Variants in PEMT observed in about 807,000 individuals in gnomAD.
PEMT encodes the protein phospholipid methyltransferase.
A neutral mutation model predicts 27.4 loss-of-function variants in PEMT; 23 were observed. That is an observed-to-expected ratio of 0.84 (90% confidence interval 0.60 to 1.19). The LOEUF is 1.19. Among genes scored for constraint, PEMT ranks in the 50% most tolerant of loss-of-function variants. The probability of loss-of-function intolerance (pLI) is 0.00; values close to 1 mark genes in which losing one functional copy is unlikely to be tolerated. For missense variants in PEMT, 307 were observed against 310.1 expected, an observed-to-expected ratio of 0.99 and a Z score of 0.07; for synonymous variants, 137 against 139.1, an observed-to-expected ratio of 0.98 and a Z score of 0.11.
At chr17:17,572,736 G>A (rs548145993) in intron 2 of PEMT, among the ~76,000 whole-genome samples, 39 of 152,382 alleles carry the variant, frequency 2.6e-4, no homozygotes, top group African/African-American at 8.9e-4. Context: ...AACATTTGAA[G>A]AATGTATGAA....
chr17:17,589,728 C>T (rs772456034), intron 1 of PEMT, among the ~76,000 whole-genome samples: 4 of 152,166 alleles, frequency 2.6e-5, no homozygotes, highest in Non-Finnish European at 5.9e-5. Context: ...AGTAGAGCTA[C>T]CACATAAGCA....
At chr17:17,586,641 A>C (rs1912331254) in intron 1 of PEMT, among the ~76,000 whole-genome samples, 1 of 152,228 alleles carries the variant, frequency 6.6e-6, no homozygotes, top group Admixed American at 6.5e-5. Context: ...GATGCGGCTA[A>C]GGCAGGGCTT....
chr17:17,550,710 C>G (rs1196810834), intron 2 of PEMT, among the ~76,000 whole-genome samples: 3 of 152,220 alleles, frequency 2.0e-5, no homozygotes, highest in African/African-American at 7.2e-5. Flanking sequence ...TGGCTAGAGC[C>G]TCTCCCAGGG....
chr17:17,558,682 G>GA (rs141641212), intron 2 of PEMT, among the ~76,000 whole-genome samples: 16,907 of 95,222 alleles, frequency 0.18, 2,649 homozygotes, highest in African/African-American at 0.43. Flanking sequence ...CCAGTCTCAC[G>GA]AAAAAAAAAA....
chr17:17,507,595 G>C (rs185914232), intron 5 of PEMT: 2 of 215,270 alleles, frequency 9.3e-6, no homozygotes, highest in East Asian at 2.1e-4. Context: ...AGGAGTCCCT[G>C]ATTGCACAAC....
rs965339985 is a variant in PEMT, at chr17:17,513,124, C to G, written c.321-470G>C. On this transcript the variant is annotated intron_variant, in intron 3 of 6. Transcript: ENST00000255389. The surrounding 1 kb of genome is among the most constrained non-coding windows in gnomAD (Gnocchi z 4.1). Reference sequence around the variant, plus strand: ...CCATTCCCCAACAGACTCAGTGCCCCGAGGCCTGGGGCATGCTCTGTGCTA... The same window carrying G: ...CCATTCCCCAACAGACTCAGTGCCCGGAGGCCTGGGGCATGCTCTGTGCTA... Among the ~76,000 whole-genome samples, 2 of 152,192 alleles carry G rather than the reference C, an allele frequency of 1.3e-5. No homozygotes were observed. The highest frequency in any genetic ancestry group is 2.4e-5 in the African/African-American group (1 of 41,434).
At chr17:17,560,557 CCA>C in intron 2 of PEMT, among the ~76,000 whole-genome samples, 1 of 152,334 alleles carries the variant, frequency 6.6e-6, no homozygotes, top group Admixed American at 6.5e-5. Flanking sequence ...GCTGTCTTCA[CCA>C]CACCGGCCCC....
intron 2 of PEMT, among the ~76,000 whole-genome samples, chr17:17,549,401 A>C (rs1909491267): frequency 6.6e-6 from 1 of 151,890 alleles, no homozygotes; most frequent in Non-Finnish European, 1.5e-5. Context: ...TATTGGCCAG[A>C]CTGGTCTCAA....
intron 2 of PEMT, among the ~76,000 whole-genome samples, chr17:17,575,105 C>T (rs891227864): frequency 6.6e-6 from 1 of 152,200 alleles, no homozygotes; most frequent in Non-Finnish European, 1.5e-5. Flanking sequence ...ATCAAGGTGC[C>T]GACTGGGCTG....
At chr17:17,555,083 C>T (rs1433968547) in intron 2 of PEMT, among the ~76,000 whole-genome samples, 1 of 152,148 alleles carries the variant, frequency 6.6e-6, no homozygotes, top group African/African-American at 2.4e-5. Context: ...GAGGGACCAA[C>T]TCACTGGATT....
chr17:17,560,716 G>A (rs115347552), intron 2 of PEMT, among the ~76,000 whole-genome samples: 399 of 152,180 alleles, frequency 2.6e-3, no homozygotes, highest in African/African-American at 8.8e-3. Flanking sequence ...CATGGTGACC[G>A]GGTGACAGGT....
intron 2 of PEMT, among the ~76,000 whole-genome samples, chr17:17,557,440 T>C (rs1910137077): frequency 6.6e-6 from 1 of 152,184 alleles, no homozygotes; most frequent in Admixed American, 6.5e-5. Context: ...GCAGAAAGTC[T>C]TGGAGGAGGA....
At chr17:17,580,715 A>G (rs1911924514) in intron 1 of PEMT, among the ~76,000 whole-genome samples, 1 of 151,346 alleles carries the variant, frequency 6.6e-6, no homozygotes, top group Admixed American at 6.6e-5. Context: ...TTCAGCCCCC[A>G]GCCAAAACCT....
chr17:17,566,523 G>C (rs1910837685), intron 2 of PEMT, among the ~76,000 whole-genome samples: 5 of 152,228 alleles, frequency 3.3e-5, no homozygotes, highest in African/African-American at 1.2e-4. Context: ...CGGGGCTAGG[G>C]CTCAGCACTG....
rs767244941 is a variant in PEMT at position 17,522,285 on chromosome 17, C to T, written c.315G>A (p.Ser105=). The part of the protein sequence containing the change: ...VTILLLNFLR[S]HCFTQAMLSQ... ...AGTGAGAGAGCTGTGCTTACCAGTG[C>T]GAGCGCAGGAAGTTCAGGAGCAGGA... The change falls in exon 3 of 7, where the codon TCG becomes TCA. Residue 105 remains serine, a synonymous_variant. Transcript: ENST00000255389. The T allele has an allele frequency of 1.6e-5, 25 of 1,609,562 alleles. No individual in the cohort carries two copies. Among genetic ancestry groups the T allele is most frequent in the Non-Finnish European group, 2.0e-5 (23 of 1,176,008 alleles).
intron 5 of PEMT, chr17:17,507,015 A>AG (rs1262830421): frequency 1.4e-6 from 1 of 717,096 alleles, no homozygotes; most frequent in Admixed American, 2.2e-5. Flanking sequence ...GAGCATCGCC[A>AG]GGGGCTCTTT....
intron 1 of PEMT, among the ~76,000 whole-genome samples, chr17:17,590,961 T>C (rs1408836230): frequency 6.6e-6 from 1 of 151,900 alleles, no homozygotes; most frequent in African/African-American, 2.4e-5. Context: ...AACGGCTGGG[T>C]GGTGGTCTGC....
At position 17,568,913 on chromosome 17, in the gene PEMT, C is replaced by T. The variant is rs189266263; in HGVS notation, c.204+8007G>A. Among the ~76,000 whole-genome samples, 44 of 152,296 alleles carry T rather than the reference C, an allele frequency of 2.9e-4. No individual in the cohort carries two copies. In the East Asian group the frequency reaches 4.1e-3, roughly 14 times the overall value. ...CACAGCGCCACCTACCGTCTGGCCA[C>T]CCTGGGGTGCAGCTGCTGCCAGTAC... On this transcript the variant is annotated intron_variant, in intron 2 of 6. Transcript: ENST00000255389.
chr17:17,518,223 G>A (rs960781286), intron 3 of PEMT: 1 of 909,984 alleles, frequency 1.1e-6, no homozygotes, highest in Non-Finnish European at 1.3e-6. Context: ...ACAGCCAGGA[G>A]GGAGGAAGGG....
Sources: allele counts gnomAD v4.1 joint callset (sites outside exome capture counted in the v4.1 genomes callset), GRCh38; gene constraint gnomAD v4.1.1; non-coding constraint Gnocchi (gnomAD v3.1); transcripts MANE v1.5; gene names NCBI Gene and HGNC (gene_info 2026-07-23, HGNC 2026-07-21).